Variants in ANK2 observed in about 807,000 individuals in gnomAD.
ANK2 encodes the protein ankyrin-2.
Under a neutral mutation model 360.5 loss-of-function variants are expected in ANK2, and 83 were observed. That is an observed-to-expected ratio of 0.23 (90% CI 0.19 to 0.28). ANK2 has a LOEUF of 0.28. Ranked by LOEUF, ANK2 falls within the 10% of genes least tolerant of loss-of-function variation. The pLI is 1.00. For synonymous variants in ANK2, 1,740 were observed against 1,759.5 expected, an observed-to-expected ratio of 0.99 and a Z score of 0.28; for missense variants, 4,201 against 4,795.7, an observed-to-expected ratio of 0.88 and a Z score of 3.66.
At chr4:112,982,571 C>T (rs1025397818) in intron 2 of ANK2, among the ~76,000 whole-genome samples, 2 of 152,114 alleles carry the variant, frequency 1.3e-5, no homozygotes, top group Admixed American at 1.3e-4. Flanking sequence ...GGTAAAATAT[C>T]TTAAGCTAAG....
Position 113,339,254 on chromosome 4 carries a change from T to C in ANK2, c.3825T>C (p.Asp1275=), listed in dbSNP as rs375586679. The change falls in exon 32 of 46, where the codon GAT becomes GAC. Residue 1275 remains aspartate, a synonymous_variant. Coordinates refer to ENST00000357077, the MANE Select transcript of ANK2 (RefSeq NM_001148.6). ...TGGTTPAQWE[D]ITGTTPLTFV... is the part of the protein sequence containing the mutation. ...GAACCACCCCTGCCCAGTGGGAAGA[T>C]ATTACAGGAACTACGCCATTAACAT... The C allele has an allele frequency of 1.1e-5, 18 of 1,613,908 alleles. No homozygotes were observed. The African/African-American group carries it at 2.4e-4, about 22-fold the overall frequency.
chr4:113,284,032 GCCCTTA>G (rs2063426402), intron 18 of ANK2, among the ~76,000 whole-genome samples: 1 of 152,178 alleles, frequency 6.6e-6, no homozygotes, highest in Admixed American at 6.5e-5. Context: ...TACATCCCCT[GCCCTTA>G]CGTACTTCTC....
At chr4:112,830,034 A>C (rs575107466) in intron 1 of ANK2, among the ~76,000 whole-genome samples, 1 of 152,162 alleles carries the variant, frequency 6.6e-6, no homozygotes, top group Non-Finnish European at 1.5e-5. Flanking sequence ...AAAAGTGAAC[A>C]CTTATCCACT....
chr4:112,954,104 T>G (rs966928616), intron 2 of ANK2, among the ~76,000 whole-genome samples: 1 of 152,312 alleles, frequency 6.6e-6, no homozygotes, highest in South Asian at 2.1e-4. Context: ...GTGTGAACAA[T>G]TTAATCCCTT....
chr4:113,013,429 A>T (rs991996525), intron 2 of ANK2, among the ~76,000 whole-genome samples: 6 of 152,274 alleles, frequency 3.9e-5, no homozygotes, highest in African/African-American at 1.4e-4. Flanking sequence ...TTTTTGGTTT[A>T]TATATTATTG....
In ANK2 at chr4:113,250,292, C is replaced by G. The variant is rs115933138; in HGVS notation, c.990+430C>G. On this transcript the variant is annotated intron_variant, in intron 10 of 45. Coordinates refer to ENST00000357077, the MANE Select transcript of ANK2 (RefSeq NM_001148.6). Reference sequence around the variant, plus strand: ...TCCAATCTTTATCTCTTAGGCAATACTAATAAAAAGTAATTACTCAACAGT... The same window carrying G: ...TCCAATCTTTATCTCTTAGGCAATAGTAATAAAAAGTAATTACTCAACAGT... 4.5e-3 allele frequency among the ~76,000 whole-genome samples: 691 copies of G among 152,174 alleles called. 6 individuals carry two copies. The highest frequency in any genetic ancestry group is 0.016 in the African/African-American group (647 of 41,520).
At chr4:113,102,150 G>A (rs2092953027) in intron 1 of ANK2, among the ~76,000 whole-genome samples, 1 of 152,076 alleles carries the variant, frequency 6.6e-6, no homozygotes, top group Non-Finnish European at 1.5e-5. Context: ...GTAGCTGATA[G>A]GATGTTATGG....
chr4:113,161,166 C>T (rs78890567), intron 1 of ANK2, among the ~76,000 whole-genome samples: 1,893 of 152,246 alleles, frequency 0.012, 32 homozygotes, highest in African/African-American at 0.043. Context: ...TTTCAAAATT[C>T]GCTCTAGAGT....
At chr4:112,925,695 C>G (rs1201294710) in intron 2 of ANK2, among the ~76,000 whole-genome samples, 1 of 152,108 alleles carries the variant, frequency 6.6e-6, no homozygotes, top group Non-Finnish European at 1.5e-5. Context: ...ATGGAATAAA[C>G]TTGGAAGAAC....
the ANK2 span, among the ~76,000 whole-genome samples, chr4:112,789,801 C>A: frequency 6.6e-6 from 1 of 152,180 alleles, no homozygotes; most frequent in Non-Finnish European, 1.5e-5. Flanking sequence ...GAACATGAAA[C>A]AAAAGGTGGA....
intron 1 of ANK2, among the ~76,000 whole-genome samples, chr4:113,095,697 T>A (rs1369602964): frequency 1.3e-5 from 2 of 152,230 alleles, no homozygotes; most frequent in Admixed American, 6.5e-5. Context: ...TAATAATAAT[T>A]CTTTTATAAA....
At chr4:113,021,530 C>CCCCCCACACACACA (rs1554056650) in intron 2 of ANK2, among the ~76,000 whole-genome samples, 31 of 13,074 alleles carry the variant, frequency 2.4e-3, no homozygotes, top group African/African-American at 6.5e-3. Context: ...ACACACACAC[C>CCCCCCACACACACA]CACACACAAA....
At chr4:113,197,207 T>A (rs2098760590) in intron 3 of ANK2, among the ~76,000 whole-genome samples, 1 of 152,316 alleles carries the variant, frequency 6.6e-6, no homozygotes, top group East Asian at 1.9e-4. Flanking sequence ...AGATTTTGGG[T>A]CATGGATTGA....
intron 36 of ANK2, among the ~76,000 whole-genome samples, chr4:113,349,067 C>T (rs1481832242): frequency 6.6e-6 from 1 of 152,068 alleles, no homozygotes; most frequent in Non-Finnish European, 1.5e-5. Context: ...GTTGCACACG[C>T]CTCATCAATG....
intron 1 of ANK2, among the ~76,000 whole-genome samples, chr4:113,147,909 G>A (rs2096895863): frequency 6.6e-6 from 1 of 152,156 alleles, no homozygotes; most frequent in Non-Finnish European, 1.5e-5. Context: ...ATTTAGTCCT[G>A]GTAATGCTTC....
chr4:112,931,471 C>T (rs1289632381), intron 2 of ANK2, among the ~76,000 whole-genome samples: 3 of 119,396 alleles, frequency 2.5e-5, no homozygotes, highest in African/African-American at 1.0e-4. Flanking sequence ...CAGAGTCTCA[C>T]TTTCGCCGAG....
At chr4:113,011,074 A>G (rs1036609326) in intron 2 of ANK2, among the ~76,000 whole-genome samples, 1 of 152,034 alleles carries the variant, frequency 6.6e-6, no homozygotes, top group Non-Finnish European at 1.5e-5. Context: ...TAAATAAGTT[A>G]TATATAAACT....
the ANK2 span, among the ~76,000 whole-genome samples, chr4:112,792,463 C>CTG: frequency 6.6e-6 from 1 of 152,150 alleles, no homozygotes; most frequent in African/African-American, 2.4e-5. Context: ...AGCATTCTTA[C>CTG]TGTACAAGTA....
At chr4:112,991,265 C>T (rs1334441602) in intron 2 of ANK2, among the ~76,000 whole-genome samples, 1 of 150,514 alleles carries the variant, frequency 6.6e-6, no homozygotes, top group Non-Finnish European at 1.5e-5. Context: ...TCAAGAACCT[C>T]GTGTTGGAGA....
Sources: gnomAD v4.1 joint callset for allele counts (sites outside exome capture counted in the v4.1 genomes callset) on GRCh38, gnomAD v4.1.1 for gene constraint, MANE v1.5 for transcripts, NCBI Gene and HGNC (gene_info 2026-07-23, HGNC 2026-07-21) for gene names.